DPP3: variants seen among roughly 807,000 people sequenced by gnomAD.
DPP3 encodes dipeptidyl peptidase 3.
In DPP3, 64 loss-of-function variants were observed where a neutral mutation model predicts 89.8. That is an observed-to-expected ratio of 0.71 (90% CI 0.58 to 0.88). The LOEUF (loss-of-function observed/expected upper bound fraction) is 0.88, where lower values mean the gene tolerates loss of function less well. Ranked by LOEUF, DPP3 falls within the 40% of genes least tolerant of loss-of-function variation. DPP3 has a pLI of 0.00. For synonymous variants in DPP3, 377 were observed against 404.3 expected (o/e 0.93, Z 0.81); for missense variants, 835 against 972.5 (o/e 0.86, Z 1.88).
intron 17 of DPP3, among the ~76,000 whole-genome samples, chr11:66,505,691 A>G (rs1033297694): frequency 5.3e-5 from 8 of 152,082 alleles, no homozygotes; most frequent in African/African-American, 1.9e-4. Context: ...AGTCAAATTA[A>G]GAGTGGTTGA....
At chr11:66,496,278 C>T (rs1276756005) in intron 15 of DPP3, among the ~76,000 whole-genome samples, 5 of 152,202 alleles carry the variant, frequency 3.3e-5, no homozygotes, top group African/African-American at 7.2e-5. Flanking sequence ...GACAAAGTCT[C>T]GCTCTGTCAC....
Position 66,503,988 on chromosome 11 carries a change from C to T in DPP3, c.1879-624C>T, listed in dbSNP as rs556253248. 9.2e-5 allele frequency among the ~76,000 whole-genome samples: 14 copies of T among 152,264 alleles called. No individual in the cohort carries two copies. The South Asian group carries it at 2.5e-3, about 27-fold the overall frequency. On this transcript the variant is annotated intron_variant, in intron 16 of 17. Transcript: ENST00000531863. Reference sequence around the variant, plus strand: ...ATTTTCTGGTGAAGGCTGCTCTTCTCTTCCATCCAAGATGATACCTTGTTG... The same window carrying T: ...ATTTTCTGGTGAAGGCTGCTCTTCTTTTCCATCCAAGATGATACCTTGTTG...
intron 1 of DPP3, chr11:66,480,716 C>T: frequency 2.5e-6 from 1 of 394,728 alleles, no homozygotes; most frequent in Non-Finnish European, 4.4e-6. Context: ...GACACTCTGT[C>T]CCAGCCGGGA....
In DPP3 at chr11:66,495,250, C is replaced by T; in HGVS notation, c.1434C>T (p.Asn478=). The T allele has an allele frequency of 6.2e-7, 1 of 1,613,024 alleles. No homozygotes were observed. Among genetic ancestry groups the T allele is most frequent in the Non-Finnish European group, 8.5e-7 (1 of 1,180,026 alleles). Residue 478 remains asparagine (N), a synonymous_variant, in exon 13 of 18, where the codon AAC becomes AAT. Transcript: ENST00000531863. ...AFNFDQETVI[N]PETGEQIQSW... Reference sequence around the variant, plus strand: ...ACTTTGACCAGGAAACAGTGATCAACCCAGAGACGGGCGAGCAGGTGAGGG... The same window carrying T: ...ACTTTGACCAGGAAACAGTGATCAATCCAGAGACGGGCGAGCAGGTGAGGG...
chr11:66,502,245 A>T (rs1855696152), intron 16 of DPP3, among the ~76,000 whole-genome samples: 2 of 152,054 alleles, frequency 1.3e-5, no homozygotes, highest in Admixed American at 6.6e-5. Context: ...GGACAGCCAC[A>T]GAGTGCAGTC....
rs554039376 is a variant in DPP3 at position 66,496,709 on chromosome 11, C to A, written c.1699-589C>A. On this transcript the variant is annotated intron_variant, in intron 15 of 17. Transcript: ENST00000531863. ...GATTACAGGTGTGAGCCACCGCATC[C>A]CACCAGCAATAGAAACTTTTTGACA... is the stretch of plus-strand genomic sequence containing the variant. Among the ~76,000 whole-genome samples, 4 of 152,208 alleles carry A rather than the reference C, an allele frequency of 2.6e-5. No homozygotes were observed. The South Asian group carries it at 8.3e-4, about 32-fold the overall frequency.
chr11:66,491,183 C>G (rs890748338), intron 6 of DPP3, 70 bp from the exon 7 acceptor site: 2 of 1,601,262 alleles, frequency 1.2e-6, no homozygotes, highest in Non-Finnish European at 1.7e-6. Context: ...AGGTGTCTTA[C>G]TCAGGCCTTT....
At chr11:66,500,516 G>A (rs959585415) in intron 16 of DPP3, among the ~76,000 whole-genome samples, 3 of 152,306 alleles carry the variant, frequency 2.0e-5, no homozygotes, top group East Asian at 3.9e-4. Context: ...AACCTAAACT[G>A]CATAAGTTAC....
chr11:66,508,137 C>G (rs1855849484), intron 17 of DPP3, among the ~76,000 whole-genome samples: 1 of 152,224 alleles, frequency 6.6e-6, no homozygotes, highest in African/African-American at 2.4e-5. Context: ...AACTCCAGAG[C>G]TTGTGCTCTT....
intron 2 of DPP3, among the ~76,000 whole-genome samples, chr11:66,484,587 A>C (rs1022590417): frequency 6.6e-6 from 1 of 152,024 alleles, no homozygotes; most frequent in African/African-American, 2.4e-5. Context: ...TCCATCCTGT[A>C]GCCAAGGATG....
intron 6 of DPP3, 131 bp from the exon 7 acceptor site, chr11:66,491,122 G>A (rs1855371873): frequency 1.5e-6 from 2 of 1,355,542 alleles, no homozygotes; most frequent in South Asian, 2.6e-5. Context: ...TGGCTACAGG[G>A]AGCCATTGAA....
chr11:66,484,255 G>A (rs534133711), intron 2 of DPP3, among the ~76,000 whole-genome samples: 6 of 152,272 alleles, frequency 3.9e-5, no homozygotes, highest in African/African-American at 1.4e-4. Flanking sequence ...GGGATTACAG[G>A]TGTGAGCCAC....
At chr11:66,482,085 C>T in intron 1 of DPP3, 108 bp from the exon 2 acceptor site, 1 of 1,460,012 alleles carries the variant, frequency 6.8e-7, no homozygotes, top group Non-Finnish European at 9.2e-7. Flanking sequence ...ATAGTATTCC[C>T]TTCCACATGG....
chr11:66,495,618 C>T lies in DPP3; in HGVS notation c.1578-12C>T. The T allele has an allele frequency of 1.2e-6, 2 of 1,614,138 alleles. No individual in the cohort carries two copies. Among genetic ancestry groups the T allele is most frequent in the Non-Finnish European group, 8.5e-7 (1 of 1,180,028 alleles). On this transcript the variant is annotated splice_polypyrimidine_tract_variant and intron_variant, in intron 14 of 17. Coordinates refer to ENST00000531863, the MANE Select transcript of DPP3 (RefSeq NM_130443.4). ...CTCTGACCATCCTGCCACCTGCCTG[C>T]CCCTCTCACAGGATCTTTGGCTTTG...
At chr11:66,486,792 G>T in intron 4 of DPP3, 115 bp downstream of exon 4, 10 of 1,290,998 alleles carry the variant, frequency 7.7e-6, no homozygotes, top group Non-Finnish European at 1.0e-5. Flanking sequence ...TCACACTCCT[G>T]AGGCAATGCT....
chr11:66,491,350 C>T lies in DPP3; in HGVS notation c.765C>T (p.Leu255=). The change falls in exon 7 of 18, where the codon CTC becomes CTT. Residue 255 remains leucine (L), a synonymous_variant. Transcript: ENST00000531863. ...CCCGGGGGGACTACGCGCCCATCCT[C>T]CAGAAGGTGGTGGAGCAGCTGGAGA... is the stretch of plus-strand genomic sequence containing the variant. ...QVTRGDYAPI[L]QKVVEQLEKA... 6.2e-7 allele frequency: 1 copy of T among 1,614,018 alleles called. No homozygotes were observed. The highest frequency in any genetic ancestry group is 8.5e-7 in the Non-Finnish European group (1 of 1,179,994).
intron 17 of DPP3, 91 bp from the exon 18 acceptor site, chr11:66,508,988 C>A: frequency 6.7e-7 from 1 of 1,497,828 alleles, no homozygotes; most frequent in Non-Finnish European, 9.0e-7. Context: ...GAAACAGCTG[C>A]TGCTGTAATT....
Position 66,483,030 on chromosome 11 carries a change from TTTA to T in DPP3, c.270+563_270+565del, listed in dbSNP as rs1466715022. 8.5e-3 allele frequency: 1,285 copies of T among 150,858 alleles called. 47 individuals carry two copies. In the East Asian group the frequency reaches 0.1, roughly 12 times the overall value. 9.3% of individuals were successfully genotyped at this position (150,858 alleles called of 1,614,324 possible). ...TTTTCTTTCTCTCTCTTTTTTATTT[TTTA>T]TTTTTTTTTTGTGACAGAGTCTCAT... On this transcript the variant is annotated intron_variant, in intron 2 of 17. Coordinates refer to ENST00000531863, the MANE Select transcript of DPP3 (RefSeq NM_130443.4).
intron 17 of DPP3, among the ~76,000 whole-genome samples, chr11:66,507,637 GA>G (rs113462969): frequency 0.21 from 31,775 of 150,966 alleles, 3,783 homozygotes; most frequent in East Asian, 0.27. Flanking sequence ...CACTAGATCT[GA>G]AGAACAGGTT....
Sources: gnomAD v4.1 joint callset for allele counts (sites outside exome capture counted in the v4.1 genomes callset) on GRCh38, gnomAD v4.1.1 for gene constraint, MANE v1.5 for transcripts, NCBI Gene and HGNC (gene_info 2026-07-23, HGNC 2026-07-21) for gene names.